CPVL: variants seen among roughly 807,000 people sequenced by gnomAD.
CPVL encodes the protein probable serine carboxypeptidase CPVL.
CPVL carries 51 observed loss-of-function variants against 63.7 expected under a neutral mutation model. That is an observed-to-expected ratio of 0.80 (90% CI 0.64 to 1.01). CPVL has a LOEUF of 1.01. CPVL is among the 50% of genes least tolerant of loss of function. CPVL has a pLI of 0.00. For missense variants in CPVL, 530 were observed against 573.1 expected, an observed-to-expected ratio of 0.92 and a Z score of 0.77; for synonymous variants, 195 against 206.0, an observed-to-expected ratio of 0.95 and a Z score of 0.46.
In CPVL at chr7:29,168,885, A is replaced by G. The variant is rs113599717; in HGVS notation, c.-11+12405T>C. ...GTGTTTACCACTATCCATTTAATCTATAAGCTTCTAAGAGGTATGAACTAT... is the reference window on the plus strand; with the variant it reads ...GTGTTTACCACTATCCATTTAATCTGTAAGCTTCTAAGAGGTATGAACTAT... On this transcript the variant is annotated intron_variant, in intron 5 of 16. Coordinates refer to the CPVL transcript ENST00000409850. Among the ~76,000 whole-genome samples the G allele has an allele frequency of 9.1e-3, 1,393 of 152,336 alleles. 25 individuals carry two copies. Among genetic ancestry groups the G allele is most frequent in the African/African-American group, 0.032 (1,315 of 41,580 alleles).
chr7:29,005,454 A>C (rs146871401), intron 12 of CPVL, among the ~76,000 whole-genome samples: 1 of 152,284 alleles, frequency 6.6e-6, no homozygotes, highest in Non-Finnish European at 1.5e-5. Flanking sequence ...CCCTTTTATG[A>C]ATCCTCCCTT....
chr7:29,144,160 T>C (rs948512032), intron 1 of CPVL, among the ~76,000 whole-genome samples: 1 of 152,252 alleles, frequency 6.6e-6, no homozygotes, highest in African/African-American at 2.4e-5. Context: ...CCTACTTCTT[T>C]TAAATGTTCT....
At chr7:29,148,477 GT>G (rs1282439659), upstream of CPVL, 3 of 152,186 alleles carry the variant, frequency 2.0e-5, no homozygotes, top group Non-Finnish European at 4.4e-5. Context: ...TGAATAACAC[GT>G]TTTAACTTTA....
intron 4 of CPVL, among the ~76,000 whole-genome samples, chr7:29,183,152 T>C (rs1798277527): frequency 6.6e-6 from 1 of 151,064 alleles, no homozygotes; most frequent in Admixed American, 6.6e-5. Flanking sequence ...CGGCGCAATC[T>C]TGGCTCATTG....
intron 1 of CPVL, among the ~76,000 whole-genome samples, chr7:29,190,280 A>G (rs1472322309): frequency 2.0e-5 from 3 of 152,228 alleles, no homozygotes; most frequent in Non-Finnish European, 2.9e-5. Flanking sequence ...GCCATAAAAT[A>G]TTTAAAGCTA....
chr7:29,111,382 G>T (rs532173079), intron 3 of CPVL, among the ~76,000 whole-genome samples: 9 of 152,296 alleles, frequency 5.9e-5, no homozygotes, highest in Non-Finnish European at 1.5e-5. Context: ...CTCTACCTAT[G>T]GGAGGCACCA....
At chr7:29,058,116 C>G (rs1403765965) in intron 11 of CPVL, among the ~76,000 whole-genome samples, 1 of 152,132 alleles carries the variant, frequency 6.6e-6, no homozygotes, top group Admixed American at 6.5e-5. Flanking sequence ...TTGGGAAGAA[C>G]TGACATCTTG....
At chr7:29,043,023 T>C (rs1253836564) in intron 11 of CPVL, among the ~76,000 whole-genome samples, 2 of 152,176 alleles carry the variant, frequency 1.3e-5, no homozygotes, top group Admixed American at 6.5e-5. Context: ...TAAAGGTTAC[T>C]TTGCCTTTCT....
intron 2 of CPVL, among the ~76,000 whole-genome samples, chr7:29,114,701 C>T (rs1373753882): frequency 6.6e-6 from 1 of 152,098 alleles, no homozygotes; most frequent in African/African-American, 2.4e-5. Flanking sequence ...AGTTCCTTTG[C>T]TGATCCTAGT....
intron 12 of CPVL, among the ~76,000 whole-genome samples, chr7:29,003,153 T>C (rs1784823897): frequency 1.1e-5 from 1 of 93,896 alleles, no homozygotes; most frequent in Non-Finnish European, 2.1e-5. Flanking sequence ...TATGTGTATG[T>C]GCACACACAC....
chr7:29,071,363 C>G (rs113290985), intron 9 of CPVL, among the ~76,000 whole-genome samples: 6 of 152,312 alleles, frequency 3.9e-5, no homozygotes, highest in African/African-American at 1.4e-4. Context: ...TTTCTCCCAG[C>G]TGAAACCCTG....
At chr7:29,093,626 G>A (rs1487188500) in intron 5 of CPVL, among the ~76,000 whole-genome samples, 2 of 152,158 alleles carry the variant, frequency 1.3e-5, no homozygotes, top group African/African-American at 4.8e-5. Context: ...AAATTCAAAA[G>A]AAACTGAACT....
chr7:29,103,178 A>AC (rs1182851997), intron 3 of CPVL, among the ~76,000 whole-genome samples: 17 of 5,174 alleles, frequency 3.3e-3, no homozygotes, highest in Non-Finnish European at 7.5e-3. Context: ...AAGTTAATAT[A>AC]CTGGGGGGGG....
intron 10 of CPVL, among the ~76,000 whole-genome samples, chr7:29,064,819 G>A (rs573398462): frequency 1.2e-4 from 17 of 147,386 alleles, no homozygotes; most frequent in Non-Finnish European, 2.1e-4. Flanking sequence ...AACAGTCCCC[G>A]GTGTGTGATG....
In CPVL at chr7:29,071,625, C is replaced by T. The variant is rs537098288; in HGVS notation, c.864+148G>A. 2.7e-5 allele frequency: 21 copies of T among 767,682 alleles called. 1 individual carries two copies. The South Asian group carries it at 4.0e-4, about 14-fold the overall frequency. The allele number at this position is 767,682 out of a possible 1,614,324, so 47.6% of individuals were successfully genotyped here. ...AGTCCTTTTCTTCATTATGAGGCCA[C>T]TCAACTCGCCTCCCGATCTCCAATG... On this transcript the variant is annotated intron_variant, in intron 9 of 12. Coordinates refer to ENST00000265394, the MANE Select transcript of CPVL (RefSeq NM_031311.5).
At chr7:29,100,148 A>G (rs985958532) in intron 3 of CPVL, among the ~76,000 whole-genome samples, 1 of 152,188 alleles carries the variant, frequency 6.6e-6, no homozygotes, top group Non-Finnish European at 1.5e-5. Context: ...GGTGGAAGGT[A>G]GCCCCTGCTC....
intron 2 of CPVL, among the ~76,000 whole-genome samples, chr7:29,115,263 A>C (rs751445247): frequency 2.6e-5 from 4 of 152,212 alleles, no homozygotes; most frequent in Non-Finnish European, 4.4e-5. Context: ...AGTGAAGTCT[A>C]GAAGAATTTC....
chr7:29,056,378 T>G (rs1228557536), intron 11 of CPVL, among the ~76,000 whole-genome samples: 1 of 152,202 alleles, frequency 6.6e-6, no homozygotes, highest in Non-Finnish European at 1.5e-5. Flanking sequence ...TGGCAACCAC[T>G]GATCTTTTCA....
intron 2 of CPVL, 92 bp downstream of exon 2, chr7:29,120,801 C>T: frequency 7.9e-7 from 1 of 1,272,724 alleles, no homozygotes; most frequent in Non-Finnish European, 1.1e-6. Context: ...AGCCTAGTGA[C>T]AGGCGAGACT....
Sources: gnomAD v4.1 joint callset for allele counts (sites outside exome capture counted in the v4.1 genomes callset) on GRCh38, gnomAD v4.1.1 for gene constraint, MANE v1.5 for transcripts, NCBI Gene and HGNC (gene_info 2026-07-23, HGNC 2026-07-21) for gene names.